PIP5K1C: variants seen among roughly 807,000 people sequenced by gnomAD.
The protein encoded by PIP5K1C is phosphatidylinositol 4-phosphate 5-kinase type-1 gamma.
In PIP5K1C, 45 loss-of-function variants were observed where a neutral mutation model predicts 80.1. The observed-to-expected ratio is 0.56, with a 90% confidence interval of 0.44 to 0.72. The LOEUF (loss-of-function observed/expected upper bound fraction) is 0.72. Ranked by LOEUF, PIP5K1C falls within the 30% of genes least tolerant of loss-of-function variation. The pLI, the probability that PIP5K1C is intolerant of heterozygous loss-of-function variation, is 0.00. For missense variants in PIP5K1C, 753 were observed against 954.6 expected (o/e 0.79, Z 2.78); for synonymous variants, 498 against 420.1 (o/e 1.19, Z -2.27).
chr19:3,679,971 G>C (rs187486690), intron 1 of PIP5K1C, among the ~76,000 whole-genome samples: 26 of 152,374 alleles, frequency 1.7e-4, no homozygotes, highest in African/African-American at 6.3e-4. Flanking sequence ...GCTATGGTGG[G>C]GTTTGGGGGA....
At chr19:3,633,743 C>T (rs1044562408) in intron 16 of PIP5K1C, among the ~76,000 whole-genome samples, 1 of 152,108 alleles carries the variant, frequency 6.6e-6, no homozygotes, top group Non-Finnish European at 1.5e-5. Context: ...CGGGGCACGG[C>T]GGGCGGCAGA....
chr19:3,684,913 G>C (rs2035706903), intron 1 of PIP5K1C, among the ~76,000 whole-genome samples: 1 of 152,204 alleles, frequency 6.6e-6, no homozygotes, highest in Non-Finnish European at 1.5e-5. Flanking sequence ...CCAGACACGT[G>C]AATCTTAGAA....
At chr19:3,653,994 A>G (rs1467672518) in intron 6 of PIP5K1C, among the ~76,000 whole-genome samples, 1 of 152,174 alleles carries the variant, frequency 6.6e-6, no homozygotes, top group East Asian at 1.9e-4. Flanking sequence ...ACATACACAC[A>G]CACGCACACA....
In PIP5K1C at chr19:3,648,793, A is replaced by T; in HGVS notation, c.1128-85T>A. On this transcript the variant is annotated intron_variant, in intron 8 of 17. Transcript: ENST00000335312. This position sits in a 1 kb window ranked among gnomAD's most constrained non-coding sequence, Gnocchi z 4.3. ...GGGGCTGGGGACTCCAGGGCTAGGGAGTCCATCTGCTCCTGTGGGTGGCAA... is the reference window on the plus strand; with the variant it reads ...GGGGCTGGGGACTCCAGGGCTAGGGTGTCCATCTGCTCCTGTGGGTGGCAA... 1 of 1,154,916 alleles carries T rather than the reference A, an allele frequency of 8.7e-7. No homozygotes were observed. The allele number at this position is 1,154,916 out of a possible 1,614,324, so 71.5% of individuals were successfully genotyped here.
intron 5 of PIP5K1C, among the ~76,000 whole-genome samples, chr19:3,660,753 C>A (rs949588084): frequency 5.3e-5 from 8 of 152,136 alleles, no homozygotes; most frequent in Admixed American, 5.2e-4. Context: ...CCAGCCAGGA[C>A]GGAGTCCTGC....
In PIP5K1C at chr19:3,696,789, G is replaced by C. The variant is rs1043584436; in HGVS notation, c.94+3508C>G. ...GGGGCAGGCTGTGCAGGGCCTGATG[G>C]GCTTCAAAGAGGACTATGTCTTTGA... is the stretch of plus-strand genomic sequence containing the variant. On this transcript the variant is annotated intron_variant, in intron 1 of 17. Coordinates refer to ENST00000335312, the MANE Select transcript of PIP5K1C (RefSeq NM_012398.3). This position sits in a 1 kb window ranked among gnomAD's most constrained non-coding sequence, Gnocchi z 4.1. 6.6e-6 allele frequency among the ~76,000 whole-genome samples: 1 copy of C among 152,096 alleles called. No homozygotes were observed. Among genetic ancestry groups the C allele is most frequent in the African/African-American group, 2.4e-5 (1 of 41,412 alleles).
chr19:3,647,203 A>AGGAGGAGGGATG lies in PIP5K1C; in HGVS notation c.1260+123_1260+134dup, dbSNP rs1360366916. The AGGAGGAGGGATG allele has an allele frequency of 9.8e-5, 63 of 645,354 alleles. No homozygotes were observed. The African/African-American group carries it at 1.5e-3, about 15-fold the overall frequency. 40.0% of individuals were successfully genotyped at this position (645,354 alleles called of 1,614,324 possible). A position where few individuals can be genotyped will look rare whatever the true frequency, so the allele number is the denominator to read the frequency against. On this transcript the variant is annotated intron_variant, in intron 10 of 17. Coordinates refer to ENST00000335312, the MANE Select transcript of PIP5K1C (RefSeq NM_012398.3). ...GGAGGAGGGTGCAGGCACTCACAGG[A>AGGAGGAGGGATG]GGAGGAGGGATGGGAGGAGGGATGG...
In PIP5K1C at chr19:3,661,808, C is replaced by T. The variant is rs368375596; in HGVS notation, c.350+63G>A. 17 of 1,595,538 alleles carry T rather than the reference C, an allele frequency of 1.1e-5. No individual in the cohort carries two copies. In the African/African-American group the frequency reaches 1.5e-4, roughly 14 times the overall value. On this transcript the variant is annotated intron_variant, in intron 4 of 17. Coordinates refer to ENST00000335312, the MANE Select transcript of PIP5K1C (RefSeq NM_012398.3). ...AGCAGAGAAGGGCGCTCAGGACAGG[C>T]CACTCCGCCTCAGAGCCACGTGTGT...
chr19:3,638,749 A>C, intron 16 of PIP5K1C, 135 bp downstream of exon 16: 1 of 1,123,186 alleles, frequency 8.9e-7, no homozygotes, highest in South Asian at 1.3e-5. Flanking sequence ...CTGGTGAGAG[A>C]GCATGTGGGT....
intron 1 of PIP5K1C, among the ~76,000 whole-genome samples, chr19:3,680,256 G>A (rs1178324039): frequency 2.0e-5 from 3 of 152,146 alleles, no homozygotes; most frequent in African/African-American, 4.8e-5. Flanking sequence ...CTTGGGTTTG[G>A]GGGATGACAC....
intron 8 of PIP5K1C, among the ~76,000 whole-genome samples, chr19:3,651,016 A>C (rs991740260): frequency 1.3e-5 from 2 of 150,470 alleles, no homozygotes; most frequent in African/African-American, 4.9e-5. Context: ...TCAGCCTCCC[A>C]AAGTGCTGGG....
At chr19:3,700,132 G>A (rs2036251156) in intron 1 of PIP5K1C, among the ~76,000 whole-genome samples, 165 bp downstream of exon 1, 1 of 151,610 alleles carries the variant, frequency 6.6e-6, no homozygotes, top group Admixed American at 6.5e-5. Flanking sequence ...CGCGGCTTCA[G>A]CCCCGTCCTC....
rs1356326882 is a variant in PIP5K1C at position 3,643,247 on chromosome 19, ACC to A, written c.1643_1644del (p.Arg548LeufsTer61). On this transcript the variant is annotated frameshift_variant, in exon 13 of 18. Transcript: ENST00000335312. LOFTEE classifies it high-confidence loss of function. Reference sequence around the variant, plus strand: ...CACTGCGGATGCCTCGCCCACCTGTACCGCGGCTGCTCCGACGTCTCCGAGGG... The same window carrying A: ...CACTGCGGATGCCTCGCCCACCTGTAGCGGCTGCTCCGACGTCTCCGAGGG... The part of the protein sequence containing the change: ...RSPSETSEQP[R>X]YRRRTQSSGQ... 6.2e-7 allele frequency: 1 copy of A among 1,613,462 alleles called. No homozygotes were observed. The highest frequency in any genetic ancestry group is 8.5e-7 in the Non-Finnish European group (1 of 1,179,894).
At chr19:3,636,174 A>G (rs1353772758) in intron 16 of PIP5K1C, among the ~76,000 whole-genome samples, 1 of 152,082 alleles carries the variant, frequency 6.6e-6, no homozygotes, top group Non-Finnish European at 1.5e-5. Flanking sequence ...GAAAAAAAAG[A>G]AAGGGCAGGA....
intron 5 of PIP5K1C, among the ~76,000 whole-genome samples, chr19:3,657,367 G>A (rs1455682962): frequency 6.6e-6 from 1 of 152,186 alleles, no homozygotes. Context: ...GCGTCTTCCG[G>A]GTATGGAACC....
chr19:3,660,221 A>G (rs1214933408), intron 5 of PIP5K1C, among the ~76,000 whole-genome samples: 2 of 152,184 alleles, frequency 1.3e-5, no homozygotes, highest in African/African-American at 4.8e-5. Context: ...TCTACTAAAA[A>G]TACAAAAAAT....
At chr19:3,662,861 G>A (rs751924643) in intron 3 of PIP5K1C, among the ~76,000 whole-genome samples, 3 of 146,520 alleles carry the variant, frequency 2.0e-5, no homozygotes, top group East Asian at 4.1e-4. Context: ...CCAGCACGCC[G>A]GCCCCGTTAT....
At position 3,652,106 on chromosome 19, in the gene PIP5K1C, G is replaced by A. The variant is rs2034474068; in HGVS notation, c.922-75C>T. On this transcript the variant is annotated intron_variant, in intron 7 of 17. Coordinates refer to ENST00000335312, the MANE Select transcript of PIP5K1C (RefSeq NM_012398.3). ...CCACAACGGCTCCCGGACCCTATGG[G>A]GTTCCCAGCACGGATGGCCCCGTGG... is the stretch of plus-strand genomic sequence containing the variant. 54 of 1,458,004 alleles carry A rather than the reference G, an allele frequency of 3.7e-5. 1 individual carries two copies. The South Asian group carries it at 6.1e-4, about 17-fold the overall frequency. The allele number at this position is 1,458,004 out of a possible 1,614,324, so 90.3% of individuals were successfully genotyped here.
chr19:3,634,458 C>G (rs1599912403), intron 16 of PIP5K1C, among the ~76,000 whole-genome samples: 1 of 152,224 alleles, frequency 6.6e-6, no homozygotes, highest in Non-Finnish European at 1.5e-5. Context: ...TGCGAATTTC[C>G]ACCAGGCCTG....
Sources: allele counts gnomAD v4.1 joint callset (sites outside exome capture counted in the v4.1 genomes callset), GRCh38; gene constraint gnomAD v4.1.1; non-coding constraint Gnocchi (gnomAD v3.1); transcripts MANE v1.5; gene names NCBI Gene and HGNC (gene_info 2026-07-23, HGNC 2026-07-21).